Variants in RGS17 observed in about 807,000 individuals in gnomAD.
The protein encoded by RGS17 is regulator of G protein signaling 17.
A neutral mutation model predicts 25.5 loss-of-function variants in RGS17; 12 were observed. The observed-to-expected ratio is 0.47, with a 90% CI of 0.30 to 0.76. RGS17 has a LOEUF of 0.76. Ranked by LOEUF, RGS17 falls within the 30% of genes least tolerant of loss-of-function variation. The pLI, the probability that RGS17 is intolerant of heterozygous loss-of-function variation, is 0.07. For missense variants in RGS17, 196 were observed against 242.2 expected, an observed-to-expected ratio of 0.81 and a Z score of 1.27; for synonymous variants, 71 against 76.9, an observed-to-expected ratio of 0.92 and a Z score of 0.40.
At chr6:153,011,880 AGTCTTGG>A in intron 4 of RGS17, 118 bp from the exon 5 acceptor site, 1 of 687,918 alleles carries the variant, frequency 1.5e-6, no homozygotes, top group Admixed American at 3.3e-5. Context: ...AACTACCAAA[AGTCTTGG>A]GTTCATCTTT....
chr6:153,106,776 G>C (rs1347343265), intron 1 of RGS17, among the ~76,000 whole-genome samples: 1 of 151,908 alleles, frequency 6.6e-6, no homozygotes, highest in Non-Finnish European at 1.5e-5. Context: ...CTGAGTAGCT[G>C]AGAATACAGG....
rs563811228 is a variant in RGS17, at chr6:153,068,830, C to T, written c.-25-24787G>A. ...TATTTCTCAAAAGAAGACAGAGAGA[C>T]GGCAAACAGGCATGTGAAAATTTGC... On this transcript the variant is annotated intron_variant, in intron 1 of 4. Coordinates refer to ENST00000206262, the MANE Select transcript of RGS17 (RefSeq NM_012419.5). 2.7e-4 allele frequency among the ~76,000 whole-genome samples: 41 copies of T among 152,222 alleles called. 1 individual carries two copies. Among genetic ancestry groups the T allele is most frequent in the African/African-American group, 8.7e-4 (36 of 41,536 alleles).
In RGS17 at chr6:153,120,709, T is replaced by C. The variant is rs142756707; in HGVS notation, c.-26+10415A>G. 1.2e-4 allele frequency among the ~76,000 whole-genome samples: 19 copies of C among 152,348 alleles called. No individual in the cohort carries two copies. The East Asian group carries it at 3.7e-3, about 29-fold the overall frequency. ...ACTCTGATATTAGCAGCTGCCAGTA[T>C]ATGTCTTCTTTTTTAGCCTTATCAT... On this transcript the variant is annotated intron_variant, in intron 1 of 4. Coordinates refer to ENST00000206262, the MANE Select transcript of RGS17 (RefSeq NM_012419.5).
chr6:153,076,571 G>T (rs1311834274), intron 1 of RGS17, among the ~76,000 whole-genome samples: 8 of 152,096 alleles, frequency 5.3e-5, no homozygotes, highest in African/African-American at 1.9e-4. Context: ...GTGATTCAAG[G>T]TCTGACACAG....
intron 1 of RGS17, among the ~76,000 whole-genome samples, chr6:153,090,619 CT>C (rs1036954237): frequency 1.3e-5 from 2 of 151,684 alleles, no homozygotes; most frequent in African/African-American, 4.8e-5. Flanking sequence ...GAAATGAGGC[CT>C]TGTCACAAAA....
intron 1 of RGS17, among the ~76,000 whole-genome samples, chr6:153,118,893 T>TA (rs987630823): frequency 8.6e-5 from 13 of 152,032 alleles, no homozygotes; most frequent in South Asian, 6.2e-4. Flanking sequence ...ATAAAACTGG[T>TA]AAAAAAAATC....
chr6:153,014,473 A>G (rs1779162746), intron 4 of RGS17, among the ~76,000 whole-genome samples: 1 of 152,218 alleles, frequency 6.6e-6, no homozygotes, highest in Non-Finnish European at 1.5e-5. Flanking sequence ...TGGATCAAGA[A>G]GTAATTTCAA....
intron 1 of RGS17, among the ~76,000 whole-genome samples, chr6:153,060,636 T>G (rs1776620570): frequency 6.6e-6 from 1 of 151,994 alleles, no homozygotes; most frequent in South Asian, 2.1e-4. Flanking sequence ...TTTTGTGAGC[T>G]GGAGCCATTG....
At position 153,045,164 on chromosome 6, in the gene RGS17, G is replaced by A. The variant is rs538397163; in HGVS notation, c.-25-1121C>T. Among the ~76,000 whole-genome samples, 5 of 152,094 alleles carry A rather than the reference G, an allele frequency of 3.3e-5. No individual in the cohort carries two copies. The South Asian group carries it at 1.0e-3, about 32-fold the overall frequency. Reference sequence around the variant, plus strand: ...TGAAAACCAGATAAACATATTTTTCGACCAGAAACAGAGCAGAAAACCACA... The same window carrying A: ...TGAAAACCAGATAAACATATTTTTCAACCAGAAACAGAGCAGAAAACCACA... On this transcript the variant is annotated intron_variant, in intron 1 of 4. Coordinates refer to ENST00000206262, the MANE Select transcript of RGS17 (RefSeq NM_012419.5).
intron 1 of RGS17, among the ~76,000 whole-genome samples, chr6:153,127,319 CAA>C (rs748164769): frequency 6.6e-6 from 1 of 152,172 alleles, no homozygotes; most frequent in Non-Finnish European, 1.5e-5. Flanking sequence ...ATTCTTAAAA[CAA>C]TGGTACGTTT....
At chr6:153,034,831 A>C (rs1776218233) in intron 2 of RGS17, among the ~76,000 whole-genome samples, 1 of 152,212 alleles carries the variant, frequency 6.6e-6, no homozygotes, top group Non-Finnish European at 1.5e-5. Context: ...ATTGGCAGTT[A>C]AATGGCTCTG....
chr6:153,118,529 G>A (rs1020875966), intron 1 of RGS17, among the ~76,000 whole-genome samples: 18 of 152,004 alleles, frequency 1.2e-4, no homozygotes, highest in African/African-American at 4.3e-4. Flanking sequence ...CTTTTATTTT[G>A]GCTGCCAGGA....
chr6:153,039,193 G>C lies in RGS17; in HGVS notation c.119+4707C>G, dbSNP rs144326306. ...TAAAGTGGACCGAACAACGGGACTA[G>C]ACATTCAGAGGCTTGCATCTCAGTT... On this transcript the variant is annotated intron_variant, in intron 2 of 4. Transcript: ENST00000206262. 2.0e-4 allele frequency among the ~76,000 whole-genome samples: 31 copies of C among 152,282 alleles called. No individual in the cohort carries two copies. The East Asian group carries it at 5.6e-3, about 28-fold the overall frequency.
chr6:153,069,739 C>CGTGTGTGTGTGTGTGTGTGTGT (rs60117149), intron 1 of RGS17, among the ~76,000 whole-genome samples: 2 of 140,938 alleles, frequency 1.4e-5, no homozygotes, highest in African/African-American at 5.1e-5. Flanking sequence ...ATATACACCT[C>CGTGTGTGTGTGTGTGTGTGTGT]GTGTGTGTGT....
rs1210748325 is a variant in RGS17 at position 153,130,962 on chromosome 6, C to T, written c.-26+162G>A. ...GGCGCCGCGGCCACAGCTGAGACCCCAGCGCCGCGCAGCCGCCCCCGCCGG... is the reference window on the plus strand; with the variant it reads ...GGCGCCGCGGCCACAGCTGAGACCCTAGCGCCGCGCAGCCGCCCCCGCCGG... On this transcript the variant is annotated intron_variant, in intron 1 of 4. Transcript: ENST00000206262. This position sits in a 1 kb window ranked among gnomAD's most constrained non-coding sequence, Gnocchi z 6.4. Among the ~76,000 whole-genome samples, 1 of 150,938 alleles carries T rather than the reference C, an allele frequency of 6.6e-6. No homozygotes were observed. Among genetic ancestry groups the T allele is most frequent in the Non-Finnish European group, 1.5e-5 (1 of 67,708 alleles).
chr6:153,078,668 AAATT>A (rs1164293502), intron 1 of RGS17, among the ~76,000 whole-genome samples: 4 of 152,012 alleles, frequency 2.6e-5, no homozygotes, highest in Non-Finnish European at 4.4e-5. Context: ...ACTTTTCTAT[AAATT>A]AATGAGGTTA....
At chr6:153,053,430 AAAAG>A in intron 1 of RGS17, among the ~76,000 whole-genome samples, 1 of 152,320 alleles carries the variant, frequency 6.6e-6, no homozygotes, top group South Asian at 2.1e-4. Flanking sequence ...CTGTGATTGC[AAAAG>A]AAAGAATTTC....
intron 2 of RGS17, among the ~76,000 whole-genome samples, chr6:153,039,445 T>G (rs1346577698): frequency 6.6e-6 from 1 of 152,124 alleles, no homozygotes; most frequent in Non-Finnish European, 1.5e-5. Flanking sequence ...CTCCTCTCCA[T>G]AGCCGTCATC....
At position 153,070,976 on chromosome 6, in the gene RGS17, TAC is replaced by T. The variant is rs530668085; in HGVS notation, c.-25-26935_-25-26934del. On this transcript the variant is annotated intron_variant, in intron 1 of 4. Coordinates refer to ENST00000206262, the MANE Select transcript of RGS17 (RefSeq NM_012419.5). ...ACATGTGTATATACACGTGTATATGTACACACATGTGTGTATATATGTACATG... is the reference window on the plus strand; with the variant it reads ...ACATGTGTATATACACGTGTATATGTACACATGTGTGTATATATGTACATG... 3.0e-4 allele frequency among the ~76,000 whole-genome samples: 45 copies of T among 148,510 alleles called. No individual in the cohort carries two copies. The South Asian group carries it at 9.1e-3, about 30-fold the overall frequency.
Sources: allele counts gnomAD v4.1 joint callset (sites outside exome capture counted in the v4.1 genomes callset), GRCh38; gene constraint gnomAD v4.1.1; non-coding constraint Gnocchi (gnomAD v3.1); transcripts MANE v1.5; gene names NCBI Gene and HGNC (gene_info 2026-07-23, HGNC 2026-07-21).